ALKBH5: variants seen among roughly 807,000 people sequenced by gnomAD.
ALKBH5 encodes alkB homolog 5, RNA demethylase, also known as RNA demethylase ALKBH5.
A neutral mutation model predicts 32.1 loss-of-function variants in ALKBH5; 2 were observed. That is an observed-to-expected ratio of 0.06 (90% CI 0.03 to 0.20). The LOEUF (loss-of-function observed/expected upper bound fraction) is 0.20. Ranked by LOEUF, ALKBH5 falls within the 10% of genes least tolerant of loss-of-function variation. The pLI, the probability that ALKBH5 is intolerant of heterozygous loss-of-function variation, is 1.00. For missense variants in ALKBH5, 352 were observed against 559.5 expected, an observed-to-expected ratio of 0.63 and a Z score of 3.74; for synonymous variants, 300 against 231.7, an observed-to-expected ratio of 1.29 and a Z score of -2.68.
intron 2 of ALKBH5, among the ~76,000 whole-genome samples, chr17:18,205,139 C>T (rs73288262): frequency 0.033 from 5,020 of 152,284 alleles, 301 homozygotes; most frequent in African/African-American, 0.11. Flanking sequence ...GAATCCCAGC[C>T]TTGAAGGAGG....
chr17:18,187,577 G>A (rs1204657486), intron 1 of ALKBH5, among the ~76,000 whole-genome samples: 1 of 152,210 alleles, frequency 6.6e-6, no homozygotes, highest in African/African-American at 2.4e-5. Flanking sequence ...CAGGGGAAGT[G>A]CAGAATCCTT....
intron 2 of ALKBH5, among the ~76,000 whole-genome samples, chr17:18,204,567 G>T (rs796191990): frequency 6.6e-6 from 1 of 152,056 alleles, no homozygotes; most frequent in Admixed American, 6.6e-5. Flanking sequence ...TTTGAGACCA[G>T]TCTGGCTAAC....
At chr17:18,195,547 G>A (rs1034428834) in intron 2 of ALKBH5, among the ~76,000 whole-genome samples, 16 of 152,312 alleles carry the variant, frequency 1.1e-4, no homozygotes, top group Middle Eastern at 3.4e-3. Flanking sequence ...GAGGGAATCA[G>A]GGATGTGCTA....
At chr17:18,200,122 T>A (rs1268593281) in intron 2 of ALKBH5, among the ~76,000 whole-genome samples, 1 of 151,558 alleles carries the variant, frequency 6.6e-6, no homozygotes, top group African/African-American at 2.4e-5. Context: ...ATTTTTTTTT[T>A]TTTTAAATTA....
At chr17:18,206,687 T>A in intron 2 of ALKBH5, 128 bp from the exon 3 acceptor site, 3 of 996,094 alleles carry the variant, frequency 3.0e-6, no homozygotes, top group Non-Finnish European at 4.6e-6. Context: ...GAGAGTGAGG[T>A]ACAGAGCAGA....
rs899397347 is a variant in ALKBH5 at position 18,184,666 on chromosome 17, C to T, written c.423C>T (p.Tyr141=). Residue 141 remains tyrosine (Y), a synonymous_variant, in exon 1 of 4, where the codon TAC becomes TAT. Transcript: ENST00000399138. ...NKYFFGEGYT[Y]GAQLQKRGPG... is the part of the protein sequence containing the mutation. ...ACTTCTTCGGCGAAGGCTACACTTA[C>T]GGCGCCCAGCTGCAGAAGCGCGGGC... The T allele has an allele frequency of 3.1e-6, 5 of 1,612,746 alleles. 1 individual carries two copies. The South Asian group carries it at 5.5e-5, about 18-fold the overall frequency.
At position 18,184,987 on chromosome 17, in the gene ALKBH5, G is replaced by T; in HGVS notation, c.744G>T (p.Val248=). 6.2e-7 allele frequency: 1 copy of T among 1,611,920 alleles called. No homozygotes were observed. The highest frequency in any genetic ancestry group is 1.3e-5 in the African/African-American group (1 of 75,058). The change falls in exon 1 of 4, where the codon GTG becomes GTT. Residue 248 remains valine, a synonymous_variant. Transcript: ENST00000399138. The part of the protein sequence containing the change: ...RVSEPVLSLP[V]RRGSVTVLSG... ...CGGAACCAGTGCTTTCCCTGCCGGT[G>T]CGCAGGGGAAGCGTGACTGTGCTCA...
intron 1 of ALKBH5, among the ~76,000 whole-genome samples, chr17:18,193,131 G>A (rs1171197761): frequency 6.6e-6 from 1 of 151,794 alleles, no homozygotes; most frequent in East Asian, 1.9e-4. Context: ...GTGCTGGGTG[G>A]GATTACAGGC....
At chr17:18,185,454 T>C (rs947829925) in intron 1 of ALKBH5, among the ~76,000 whole-genome samples, 7 of 152,178 alleles carry the variant, frequency 4.6e-5, no homozygotes, top group African/African-American at 1.7e-4. Flanking sequence ...TTGGATTCCT[T>C]AACAGAGAAA....
intron 1 of ALKBH5, among the ~76,000 whole-genome samples, chr17:18,189,485 C>G (rs2047160844): frequency 6.6e-6 from 1 of 152,220 alleles, no homozygotes; most frequent in South Asian, 2.1e-4. Context: ...AGGTTCATCT[C>G]TGCAAATCTC....
At chr17:18,191,849 T>C (rs1001863199) in intron 1 of ALKBH5, among the ~76,000 whole-genome samples, 1 of 151,642 alleles carries the variant, frequency 6.6e-6, no homozygotes, top group African/African-American at 2.4e-5. Context: ...CTTGGGGGTC[T>C]GAGGCAGGAG....
At chr17:18,200,600 A>G (rs1005682738) in intron 2 of ALKBH5, among the ~76,000 whole-genome samples, 3 of 152,170 alleles carry the variant, frequency 2.0e-5, no homozygotes, top group African/African-American at 4.8e-5. Context: ...AGTACCCGGA[A>G]TGGGGTTTGT....
chr17:18,194,693 G>C (rs990672585), intron 1 of ALKBH5, among the ~76,000 whole-genome samples: 1 of 152,194 alleles, frequency 6.6e-6, no homozygotes, highest in African/African-American at 2.4e-5. Context: ...TTCAGGGAGA[G>C]TCTTGCTTCC....
At chr17:18,200,748 G>T (rs1033551658) in intron 2 of ALKBH5, among the ~76,000 whole-genome samples, 2 of 152,226 alleles carry the variant, frequency 1.3e-5, no homozygotes, top group African/African-American at 4.8e-5. Flanking sequence ...AGCATAGAAT[G>T]AGGCTCAGGG....
chr17:18,205,573 T>C lies in ALKBH5; in HGVS notation c.852-1242T>C, dbSNP rs532356444. On this transcript the variant is annotated intron_variant, in intron 2 of 3. Transcript: ENST00000399138. ...TCAGAGTAACTCTTGCCTGTCAGGC[T>C]TGAAGTCTCACTTTGGCTTTAAACT... 5.3e-5 allele frequency among the ~76,000 whole-genome samples: 8 copies of C among 152,364 alleles called. No individual in the cohort carries two copies. In the East Asian group the frequency reaches 1.5e-3, roughly 29 times the overall value.
chr17:18,184,398 C>T lies in ALKBH5; in HGVS notation c.155C>T (p.Pro52Leu). 6.4e-7 allele frequency: 1 copy of T among 1,563,056 alleles called. No homozygotes were observed. The highest frequency in any genetic ancestry group is 8.7e-7 in the Non-Finnish European group (1 of 1,154,670). Residue 52 changes from proline (P) to leucine (L), a missense_variant, in exon 1 of 4, where the codon CCT (proline) becomes CTT (leucine). Pro to Leu is a moderately conservative substitution (Grantham distance 98). Transcript: ENST00000399138. ...AAAAAAAEPY[P>L]VSGAKRKYQE... ...GCCGCCGCTGCCGCCGAACCTTACC[C>T]TGTGTCCGGGGCCAAGCGCAAGTAT...
intron 1 of ALKBH5, among the ~76,000 whole-genome samples, chr17:18,190,449 C>A (rs906841876): frequency 6.6e-6 from 1 of 150,804 alleles, no homozygotes; most frequent in Non-Finnish European, 1.5e-5. Context: ...ACTCGGGAGG[C>A]TGAGGCAGAG....
At chr17:18,201,165 A>T (rs757102144) in intron 2 of ALKBH5, among the ~76,000 whole-genome samples, 1 of 152,170 alleles carries the variant, frequency 6.6e-6, no homozygotes, top group Non-Finnish European at 1.5e-5. Context: ...AGTTTCTCTG[A>T]CCAGGGCTTG....
At chr17:18,193,062 C>T (rs1489564969) in intron 1 of ALKBH5, among the ~76,000 whole-genome samples, 3 of 151,464 alleles carry the variant, frequency 2.0e-5, no homozygotes, top group African/African-American at 2.4e-5. Flanking sequence ...TTCACCATGT[C>T]GGCCAGACTG....
Sources: allele counts gnomAD v4.1 joint callset (sites outside exome capture counted in the v4.1 genomes callset), GRCh38; gene constraint gnomAD v4.1.1; transcripts MANE v1.5; gene names NCBI Gene and HGNC (gene_info 2026-07-23, HGNC 2026-07-21).